Variants in ARHGAP15 observed in about 807,000 individuals in gnomAD.
The protein encoded by ARHGAP15 is Rho GTPase activating protein 15, also known as rho GTPase-activating protein 15.
In ARHGAP15, 51 loss-of-function variants were observed where a neutral mutation model predicts 63.7. The ratio of observed to expected loss-of-function variants is 0.80; its 90% CI spans 0.64 to 1.01. The LOEUF is 1.01. ARHGAP15 is among the 50% of genes least tolerant of loss of function. ARHGAP15 has a pLI of 0.00. For missense variants in ARHGAP15, 560 were observed against 564.6 expected, an observed-to-expected ratio of 0.99 and a Z score of 0.08; for synonymous variants, 191 against 193.8, an observed-to-expected ratio of 0.99 and a Z score of 0.12.
chr2:143,608,056 C>G (rs763844557), intron 11 of ARHGAP15: 1 of 152,234 alleles, frequency 6.6e-6, no homozygotes, highest in South Asian at 2.1e-4. Flanking sequence ...CGAAGAATAC[C>G]TTTCCCCCTC....
intron 6 of ARHGAP15, among the ~76,000 whole-genome samples, chr2:143,385,394 A>G (rs142962655): frequency 1.3e-5 from 2 of 152,240 alleles, no homozygotes; most frequent in African/African-American, 2.4e-5. Context: ...GCTGAAGTTA[A>G]AATTCTCTTT....
chr2:143,368,491 T>C (rs1558924661), intron 6 of ARHGAP15, among the ~76,000 whole-genome samples: 1 of 151,800 alleles, frequency 6.6e-6, no homozygotes, highest in Non-Finnish European at 1.5e-5. Flanking sequence ...TCAGTGGGAG[T>C]CATTGGAGAG....
At chr2:143,356,324 T>C (rs1316459505) in intron 6 of ARHGAP15, among the ~76,000 whole-genome samples, 1 of 152,118 alleles carries the variant, frequency 6.6e-6, no homozygotes, top group Non-Finnish European at 1.5e-5. Flanking sequence ...CAAAATTTAG[T>C]TCTTGAGCAA....
At chr2:143,434,438 C>T (rs1689520193) in intron 6 of ARHGAP15, among the ~76,000 whole-genome samples, 3 of 152,046 alleles carry the variant, frequency 2.0e-5, no homozygotes, top group African/African-American at 7.2e-5. Context: ...TTAAATGTTG[C>T]CATGAGAATC....
chr2:143,764,684 G>A (rs902055628), intron 13 of ARHGAP15, among the ~76,000 whole-genome samples: 10 of 151,998 alleles, frequency 6.6e-5, no homozygotes, highest in Non-Finnish European at 1.3e-4. Context: ...CCACTAATGA[G>A]CTCTTTCATC....
At chr2:143,280,982 A>G (rs184225856) in intron 6 of ARHGAP15, among the ~76,000 whole-genome samples, 7 of 152,294 alleles carry the variant, frequency 4.6e-5, no homozygotes, top group African/African-American at 1.4e-4. Context: ...AAAGTAGTAC[A>G]GCTAATTAGC....
intron 6 of ARHGAP15, among the ~76,000 whole-genome samples, chr2:143,253,768 C>T (rs1680282254): frequency 1.3e-5 from 2 of 150,302 alleles, no homozygotes; most frequent in South Asian, 2.1e-4. Flanking sequence ...AATATATATG[C>T]AAATATACAT....
intron 9 of ARHGAP15, among the ~76,000 whole-genome samples, chr2:143,489,845 T>G (rs1692500245): frequency 6.6e-6 from 1 of 152,214 alleles, no homozygotes; most frequent in East Asian, 1.9e-4. Context: ...TATCATACTT[T>G]ATAAACTGTC....
At chr2:143,539,346 A>AT (rs550448636) in intron 10 of ARHGAP15, among the ~76,000 whole-genome samples, 3 of 117,244 alleles carry the variant, frequency 2.6e-5, no homozygotes, top group Non-Finnish European at 3.7e-5. Context: ...GGATTCATTG[A>AT]TTTTTTGAAG....
At chr2:143,435,449 T>C (rs1321649733) in intron 6 of ARHGAP15, 152 bp from the exon 7 acceptor site, 16 of 1,256,564 alleles carry the variant, frequency 1.3e-5, no homozygotes, top group Non-Finnish European at 1.7e-5. Flanking sequence ...TTCAAAATGC[T>C]CCCAGTTCCC....
intron 9 of ARHGAP15, among the ~76,000 whole-genome samples, chr2:143,513,961 G>A (rs2104967414): frequency 6.6e-6 from 1 of 152,334 alleles, no homozygotes; most frequent in Admixed American, 6.5e-5. Context: ...GTAAAATGAA[G>A]ATGATGATAG....
intron 6 of ARHGAP15, among the ~76,000 whole-genome samples, chr2:143,359,337 C>A (rs540008940): frequency 2.9e-4 from 44 of 152,256 alleles, no homozygotes; most frequent in African/African-American, 9.4e-4. Flanking sequence ...AAAATGCTAC[C>A]AATACCCTAT....
chr2:143,334,936 CT>C (rs1182673038), intron 6 of ARHGAP15, among the ~76,000 whole-genome samples: 10 of 152,270 alleles, frequency 6.6e-5, no homozygotes, highest in South Asian at 2.1e-4. Context: ...GCACATACTA[CT>C]GTAAGTAAAA....
intron 6 of ARHGAP15, among the ~76,000 whole-genome samples, chr2:143,375,372 C>A (rs1235197797): frequency 4.6e-5 from 7 of 152,170 alleles, no homozygotes; most frequent in Non-Finnish European, 1.0e-4. Flanking sequence ...AAATTCTTTT[C>A]TGTGACTTTT....
At chr2:143,420,103 G>T (rs115244612) in intron 6 of ARHGAP15, among the ~76,000 whole-genome samples, 20 of 152,244 alleles carry the variant, frequency 1.3e-4, no homozygotes, top group African/African-American at 4.6e-4. Flanking sequence ...TCAGGATACG[G>T]TTACTGAAGT....
At chr2:143,322,852 G>A (rs561204157) in intron 6 of ARHGAP15, among the ~76,000 whole-genome samples, 1 of 152,302 alleles carries the variant, frequency 6.6e-6, no homozygotes, top group South Asian at 2.1e-4. Context: ...AAGGTTTAAT[G>A]TTGTAAGTAA....
At chr2:143,526,698 T>A (rs1367611919) in intron 10 of ARHGAP15, among the ~76,000 whole-genome samples, 2 of 152,100 alleles carry the variant, frequency 1.3e-5, no homozygotes, top group Non-Finnish European at 2.9e-5. Flanking sequence ...TGGAAGCAAA[T>A]GTTTACAAAA....
At chr2:143,561,951 C>G (rs1019431256) in intron 11 of ARHGAP15, among the ~76,000 whole-genome samples, 1 of 152,078 alleles carries the variant, frequency 6.6e-6, no homozygotes, top group Admixed American at 6.5e-5. Flanking sequence ...AGCACACACA[C>G]GCATGTGCAT....
chr2:143,493,367 G>A (rs1029412582), intron 9 of ARHGAP15, among the ~76,000 whole-genome samples: 2 of 152,016 alleles, frequency 1.3e-5, no homozygotes, highest in East Asian at 1.9e-4. Flanking sequence ...CAAATCTTTG[G>A]CCAAGTTATA....
Sources: allele counts gnomAD v4.1 joint callset (sites outside exome capture counted in the v4.1 genomes callset), GRCh38; gene constraint gnomAD v4.1.1; transcripts MANE v1.5; gene names NCBI Gene and HGNC (gene_info 2026-07-23, HGNC 2026-07-21).